The following ALG14 variants were observed in gnomAD, a reference collection of about 807,000 sequenced individuals.
ALG14 encodes UDP-N-acetylglucosamine transferase subunit ALG14.
Under a neutral mutation model 22.8 loss-of-function variants are expected in ALG14, and 17 were observed. That is an observed-to-expected ratio of 0.75 (90% confidence interval 0.51 to 1.12). The LOEUF (loss-of-function observed/expected upper bound fraction) is 1.12, where lower values mean the gene tolerates loss of function less well. Ranked by LOEUF, ALG14 falls within the 50% of genes most tolerant of loss-of-function variation. ALG14 has a pLI of 0.00. For synonymous variants in ALG14, 89 were observed against 103.7 expected (o/e 0.86, Z 0.86); for missense variants, 288 against 271.8 (o/e 1.06, Z -0.42).
At chr1:95,029,553 A>C (rs1004211508) in intron 2 of ALG14, among the ~76,000 whole-genome samples, 1 of 152,226 alleles carries the variant, frequency 6.6e-6, no homozygotes, top group African/African-American at 2.4e-5. Flanking sequence ...AGAACAGAAT[A>C]ATTAATACAT....
At chr1:95,029,993 T>C (rs559187195) in intron 2 of ALG14, among the ~76,000 whole-genome samples, 3 of 152,278 alleles carry the variant, frequency 2.0e-5, no homozygotes, top group Non-Finnish European at 2.9e-5. Flanking sequence ...TCAGAAGCAA[T>C]AGCAAATTGT....
intron 2 of ALG14, among the ~76,000 whole-genome samples, chr1:95,039,792 T>C (rs1411786206): frequency 6.6e-6 from 1 of 152,058 alleles, no homozygotes; most frequent in East Asian, 1.9e-4. Flanking sequence ...GGAATCTGGA[T>C]GCTGGACTGA....
chr1:95,014,243 T>C (rs1673443743), intron 3 of ALG14, among the ~76,000 whole-genome samples: 1 of 152,254 alleles, frequency 6.6e-6, no homozygotes, highest in Non-Finnish European at 1.5e-5. Flanking sequence ...CTGGGCGCTT[T>C]GAAGAGCGTT....
At position 94,978,151 on chromosome 1, in the gene ALG14, C is replaced by A. The variant is rs1672430526; in HGVS notation, c.*4925G>T. 1 of 151,802 alleles carries A rather than the reference C, an allele frequency of 6.6e-6. No individual in the cohort carries two copies. Among genetic ancestry groups the A allele is most frequent in the Admixed American group, 6.6e-5 (1 of 15,234 alleles). 9.4% of individuals were successfully genotyped at this position (151,802 alleles called of 1,614,324 possible). A position where few individuals can be genotyped will look rare whatever the true frequency, so the allele number is the denominator to read the frequency against. On this transcript the variant is annotated 3_prime_UTR_variant, in exon 4 of 4. Coordinates refer to ENST00000370205, the MANE Select transcript of ALG14 (RefSeq NM_144988.4). Reference sequence around the variant, plus strand: ...CCATCTCAGTTCACTGCAACCTCCACCTCCCTGGTTCAAGCAATTATTTGC... The same window carrying A: ...CCATCTCAGTTCACTGCAACCTCCAACTCCCTGGTTCAAGCAATTATTTGC...
chr1:95,031,590 T>C (rs745326591), intron 2 of ALG14, among the ~76,000 whole-genome samples: 12 of 152,164 alleles, frequency 7.9e-5, no homozygotes, highest in Non-Finnish European at 1.8e-4. Context: ...CCCCCACCAT[T>C]GTAGCATATC....
chr1:95,068,858 T>C (rs1031943402), intron 1 of ALG14, among the ~76,000 whole-genome samples: 5 of 152,204 alleles, frequency 3.3e-5, no homozygotes, highest in African/African-American at 1.2e-4. Flanking sequence ...ATCAAGTGAA[T>C]GGTTCTAACA....
chr1:94,988,281 A>G (rs553578509), intron 3 of ALG14, among the ~76,000 whole-genome samples: 25 of 152,366 alleles, frequency 1.6e-4, no homozygotes, highest in African/African-American at 6.0e-4. Context: ...CAGGAAGCAA[A>G]GTCAGGAAAA....
intron 3 of ALG14, among the ~76,000 whole-genome samples, chr1:94,998,283 G>C (rs901517738): frequency 6.6e-6 from 1 of 152,090 alleles, no homozygotes; most frequent in East Asian, 1.9e-4. Context: ...GTCCATTGTT[G>C]TTCCTGACTC....
intron 2 of ALG14, among the ~76,000 whole-genome samples, chr1:95,050,681 C>T (rs1367911245): frequency 1.3e-5 from 2 of 152,070 alleles, no homozygotes; most frequent in Non-Finnish European, 2.9e-5. Flanking sequence ...ATTCCAGACA[C>T]CTAAGGGCTG....
At chr1:94,991,363 A>C (rs1672766492) in intron 3 of ALG14, among the ~76,000 whole-genome samples, 1 of 152,212 alleles carries the variant, frequency 6.6e-6, no homozygotes, top group Non-Finnish European at 1.5e-5. Context: ...TGGATGTTAC[A>C]CCTACGCTAA....
At position 94,982,072 on chromosome 1, in the gene ALG14, G is replaced by A. The variant is rs1014168202; in HGVS notation, c.*1004C>T. On this transcript the variant is annotated 3_prime_UTR_variant, in exon 4 of 4. Coordinates refer to ENST00000370205, the MANE Select transcript of ALG14 (RefSeq NM_144988.4). The stretch of plus-strand genomic sequence containing the variant: ...TTACTACTCATGTGATCTTGGACAA[G>A]TCATCTGTAAAATGGGAATAATAAC... 2 of 150,142 alleles carry A rather than the reference G, an allele frequency of 1.3e-5. No homozygotes were observed. Among genetic ancestry groups the A allele is most frequent in the Non-Finnish European group, 3.0e-5 (2 of 67,786 alleles). 9.3% of individuals were successfully genotyped at this position (150,142 alleles called of 1,614,324 possible).
chr1:95,059,055 T>C (rs544606645), intron 2 of ALG14, among the ~76,000 whole-genome samples: 1 of 152,124 alleles, frequency 6.6e-6, no homozygotes, highest in South Asian at 2.1e-4. Flanking sequence ...AGCACTTTGT[T>C]TTAATTTCCA....
chr1:95,037,325 C>G (rs553227198), intron 2 of ALG14, among the ~76,000 whole-genome samples: 1 of 152,140 alleles, frequency 6.6e-6, no homozygotes, highest in South Asian at 2.1e-4. Context: ...TTCCTGGCTA[C>G]AATGATTAGC....
At chr1:95,001,879 A>AAATATAGC (rs1673079692) in intron 3 of ALG14, among the ~76,000 whole-genome samples, 1 of 152,242 alleles carries the variant, frequency 6.6e-6, no homozygotes, top group South Asian at 2.1e-4. Flanking sequence ...AAAGCCAAAT[A>AAATATAGC]CAAGGCATAA....
intron 3 of ALG14, among the ~76,000 whole-genome samples, chr1:95,002,719 A>AAAATCATGCCT (rs1673100676): frequency 6.6e-6 from 1 of 152,164 alleles, no homozygotes; most frequent in Non-Finnish European, 1.5e-5. Flanking sequence ...TAAAGCAACG[A>AAAATCATGCCT]TAGTATCTAC....
chr1:95,042,601 G>T (rs1310106156), intron 2 of ALG14, among the ~76,000 whole-genome samples: 4 of 152,262 alleles, frequency 2.6e-5, no homozygotes, highest in Non-Finnish European at 5.9e-5. Flanking sequence ...GTTTTGGTGG[G>T]GCACACCCTC....
intron 3 of ALG14, among the ~76,000 whole-genome samples, chr1:95,001,721 C>T (rs539898345): frequency 4.6e-5 from 7 of 152,272 alleles, no homozygotes; most frequent in South Asian, 4.1e-4. Context: ...ATCTCGAACT[C>T]CTGACCTCAA....
intron 3 of ALG14, among the ~76,000 whole-genome samples, chr1:95,012,030 G>A (rs1330653338): frequency 6.6e-6 from 1 of 152,162 alleles, no homozygotes; most frequent in Non-Finnish European, 1.5e-5. Context: ...TCTCGTGGTA[G>A]TAAGTCTCAC....
intron 3 of ALG14, among the ~76,000 whole-genome samples, chr1:95,012,016 T>G (rs952522982): frequency 1.3e-5 from 2 of 152,166 alleles, no homozygotes; most frequent in Non-Finnish European, 2.9e-5. Flanking sequence ...TTCCCCCATA[T>G]TGTTCTCGTG....
Sources: allele counts gnomAD v4.1 joint callset (sites outside exome capture counted in the v4.1 genomes callset), GRCh38; gene constraint gnomAD v4.1.1; transcripts MANE v1.5; gene names NCBI Gene and HGNC (gene_info 2026-07-23, HGNC 2026-07-21).